TYR: variants seen among roughly 807,000 people sequenced by gnomAD.
TYR encodes the protein LB24-AB.
Under a neutral mutation model 51.5 loss-of-function variants are expected in TYR, and 58 were observed. The observed-to-expected ratio is 1.13, with a 90% CI of 0.91 to 1.40. The LOEUF (loss-of-function observed/expected upper bound fraction) is 1.40, where lower values mean the gene tolerates loss of function less well. Ranked by LOEUF, TYR falls within the 40% of genes most tolerant of loss-of-function variation. The pLI is 0.00. For synonymous variants in TYR, 263 were observed against 235.2 expected (o/e 1.12, Z -1.08); for missense variants, 732 against 647.4 (o/e 1.13, Z -1.42).
intron 1 of TYR, among the ~76,000 whole-genome samples, chr11:89,184,404 C>G (rs1053130077): frequency 1.3e-5 from 2 of 152,042 alleles, no homozygotes; most frequent in African/African-American, 4.8e-5. Flanking sequence ...TAAAAGCATC[C>G]AACATATTAC....
intron 3 of TYR, among the ~76,000 whole-genome samples, chr11:89,239,517 TTC>T (rs1944164091): frequency 6.6e-6 from 1 of 152,076 alleles, no homozygotes. Flanking sequence ...AACTCTTAGC[TTC>T]ATTTATCTTT....
chr11:89,199,872 T>A (rs548248424), intron 2 of TYR, among the ~76,000 whole-genome samples: 1 of 152,296 alleles, frequency 6.6e-6, no homozygotes, highest in South Asian at 2.1e-4. Context: ...AAAGGGATAA[T>A]GTCATTTTCC....
rs551874156 is a variant in TYR, at chr11:89,219,701, G to A, written c.1037-8122G>A. Among the ~76,000 whole-genome samples, 20 of 152,238 alleles carry A rather than the reference G, an allele frequency of 1.3e-4. No individual in the cohort carries two copies. The South Asian group carries it at 3.9e-3, about 30-fold the overall frequency. ...AAGAACAAAAATTGGCCATAAGTAT[G>A]TGGGTATTGGGTCTTATACAATATC... On this transcript the variant is annotated intron_variant, in intron 2 of 4. Transcript: ENST00000263321.
chr11:89,221,416 A>C (rs985149961), intron 2 of TYR, among the ~76,000 whole-genome samples: 1 of 152,234 alleles, frequency 6.6e-6, no homozygotes, highest in Non-Finnish European at 1.5e-5. Flanking sequence ...AATGCTAATT[A>C]ATTACATTTA....
At chr11:89,212,971 G>A (rs151022693) in intron 2 of TYR, among the ~76,000 whole-genome samples, 1,745 of 152,054 alleles carry the variant, frequency 0.011, 31 homozygotes, top group African/African-American at 0.04. Context: ...TGACAAACCC[G>A]CAGCCAATAT....
chr11:89,230,834 T>C (rs1254890777), intron 3 of TYR, among the ~76,000 whole-genome samples: 2 of 151,106 alleles, frequency 1.3e-5, no homozygotes, highest in Non-Finnish European at 2.9e-5. Context: ...TGAGATAATA[T>C]TAATGTTACT....
intron 2 of TYR, among the ~76,000 whole-genome samples, chr11:89,212,939 T>C (rs973263683): frequency 5.9e-5 from 9 of 152,160 alleles, no homozygotes; most frequent in African/African-American, 2.2e-4. Context: ...GGAACGTATC[T>C]CAAAATAATA....
intron 2 of TYR, among the ~76,000 whole-genome samples, chr11:89,204,280 G>A (rs534877156): frequency 6.6e-5 from 10 of 152,326 alleles, no homozygotes; most frequent in Admixed American, 5.9e-4. Context: ...GACATCAGTA[G>A]AGGCCTAGTG....
chr11:89,189,287 C>T (rs1168757013), intron 1 of TYR, among the ~76,000 whole-genome samples: 3 of 151,942 alleles, frequency 2.0e-5, no homozygotes, highest in Non-Finnish European at 4.4e-5. Flanking sequence ...TGAAACAATG[C>T]ATGTGCCGTG....
At chr11:89,253,968 G>C (rs1344597224) in intron 3 of TYR, among the ~76,000 whole-genome samples, 1 of 151,618 alleles carries the variant, frequency 6.6e-6, no homozygotes, top group Admixed American at 6.6e-5. Flanking sequence ...GCTTGTCATA[G>C]ATAGGCTTTT....
intron 2 of TYR, among the ~76,000 whole-genome samples, chr11:89,210,056 CT>C (rs1474389040): frequency 1.3e-5 from 2 of 152,152 alleles, no homozygotes; most frequent in African/African-American, 2.4e-5. Context: ...CAGAATGCCT[CT>C]TCTCCTCCAA....
At chr11:89,271,245 C>T (rs1340318300) in intron 3 of TYR, among the ~76,000 whole-genome samples, 1 of 151,734 alleles carries the variant, frequency 6.6e-6, no homozygotes, top group Non-Finnish European at 1.5e-5. Flanking sequence ...AGTACTATTA[C>T]CTATTGGTTT....
intron 3 of TYR, among the ~76,000 whole-genome samples, chr11:89,254,460 TTTG>T (rs1210830129): frequency 1.3e-5 from 2 of 151,692 alleles, no homozygotes; most frequent in Admixed American, 6.6e-5. Flanking sequence ...CAGGACCTTT[TTTG>T]TTGTTGTTGG....
chr11:89,293,435 C>T (rs934658760), intron 4 of TYR, among the ~76,000 whole-genome samples: 4 of 151,480 alleles, frequency 2.6e-5, no homozygotes, highest in African/African-American at 9.7e-5. Flanking sequence ...AAATTTTCCC[C>T]GACATTTAGA....
At chr11:89,182,689 A>G (rs1943317669) in intron 1 of TYR, among the ~76,000 whole-genome samples, 1 of 152,176 alleles carries the variant, frequency 6.6e-6, no homozygotes, top group Admixed American at 6.5e-5. Context: ...ATTAGGGGCC[A>G]TGTTTATCAT....
chr11:89,239,439 A>T (rs1476881553), intron 3 of TYR, among the ~76,000 whole-genome samples: 1 of 151,498 alleles, frequency 6.6e-6, no homozygotes, highest in Non-Finnish European at 1.5e-5. Flanking sequence ...AATTTTATTT[A>T]TTTGCATCTT....
chr11:89,226,945 T>C (rs1387862536), intron 2 of TYR, among the ~76,000 whole-genome samples: 27 of 152,076 alleles, frequency 1.8e-4, no homozygotes, highest in Admixed American at 1.8e-3. Flanking sequence ...CACTAAAAAG[T>C]TATCTTCCTC....
chr11:89,236,261 AC>A (rs1229083202), intron 3 of TYR, among the ~76,000 whole-genome samples: 1 of 146,678 alleles, frequency 6.8e-6, no homozygotes, highest in East Asian at 2.0e-4. Flanking sequence ...CACACACCAG[AC>A]AAGAGAAAGA....
intron 3 of TYR, among the ~76,000 whole-genome samples, chr11:89,249,648 C>T (rs1339566534): frequency 6.6e-6 from 1 of 151,618 alleles, no homozygotes; most frequent in Non-Finnish European, 1.5e-5. Context: ...AGATTCTAAA[C>T]AAAACTTTTG....
Sources: allele counts gnomAD v4.1 joint callset (sites outside exome capture counted in the v4.1 genomes callset), GRCh38; gene constraint gnomAD v4.1.1; transcripts MANE v1.5; gene names NCBI Gene and HGNC (gene_info 2026-07-23, HGNC 2026-07-21).